RFX3: variants seen among roughly 807,000 people sequenced by gnomAD.
RFX3 encodes the protein transcription factor RFX3.
In RFX3, 14 loss-of-function variants were observed where a neutral mutation model predicts 98.6. The ratio of observed to expected loss-of-function variants is 0.14; its 90% CI spans 0.09 to 0.22. The LOEUF (loss-of-function observed/expected upper bound fraction) is 0.22, where lower values mean the gene tolerates loss of function less well. Ranked by LOEUF, RFX3 falls within the 10% of genes least tolerant of loss-of-function variation. The probability of loss-of-function intolerance (pLI) is 1.00; values close to 1 mark genes in which losing one functional copy is unlikely to be tolerated. For missense variants in RFX3, 639 were observed against 926.9 expected (o/e 0.69, Z 4.03); for synonymous variants, 383 against 328.4 (o/e 1.17, Z -1.80).
chr9:3,469,013 T>C (rs1587778329), intron 1 of RFX3: 1 of 331,440 alleles, frequency 3.0e-6, no homozygotes, highest in East Asian at 7.5e-5. Context: ...CACTCTCTAA[T>C]TAGTGTAGCC....
At chr9:3,303,657 A>G (rs566775765) in intron 4 of RFX3, among the ~76,000 whole-genome samples, 12 of 151,954 alleles carry the variant, frequency 7.9e-5, no homozygotes, top group South Asian at 6.2e-4. Flanking sequence ...GAAAAAAAAA[A>G]AAGTCAGAGA....
intron 3 of RFX3, among the ~76,000 whole-genome samples, chr9:3,339,583 T>A (rs1228270961): frequency 2.6e-5 from 4 of 152,202 alleles, no homozygotes; most frequent in Non-Finnish European, 5.9e-5. Flanking sequence ...AATGCTAATC[T>A]TTAATTCATT....
chr9:3,423,778 C>CATATATATATATACATAT (rs1554704305), intron 1 of RFX3, among the ~76,000 whole-genome samples: 5 of 111,054 alleles, frequency 4.5e-5, no homozygotes, highest in African/African-American at 1.6e-4. Flanking sequence ...TATATATTTT[C>CATATATATATATACATAT]ATATATATAT....
chr9:3,520,258 C>T (rs554060855), intron 1 of RFX3, among the ~76,000 whole-genome samples: 6 of 152,338 alleles, frequency 3.9e-5, no homozygotes, highest in Admixed American at 1.3e-4. Context: ...GGCAGTCTAA[C>T]ACACATGAAC....
chr9:3,425,940 T>A (rs948902098), intron 1 of RFX3, among the ~76,000 whole-genome samples: 1 of 152,190 alleles, frequency 6.6e-6, no homozygotes, highest in African/African-American at 2.4e-5. Context: ...AATTTTTAAT[T>A]AGTTATTGTT....
chr9:3,311,931 C>A (rs1586989509), intron 4 of RFX3, among the ~76,000 whole-genome samples: 1 of 152,062 alleles, frequency 6.6e-6, no homozygotes, highest in Non-Finnish European at 1.5e-5. Context: ...CAAACCTCTA[C>A]AATGGAGACT....
intron 1 of RFX3, among the ~76,000 whole-genome samples, chr9:3,467,099 A>T (rs113301762): frequency 0.015 from 2,098 of 141,424 alleles, 28 homozygotes; most frequent in South Asian, 0.027. Flanking sequence ...CATATATGTA[A>T]GTATATATGT....
At chr9:3,279,835 CAT>C (rs1219644026) in intron 7 of RFX3, among the ~76,000 whole-genome samples, 1 of 151,648 alleles carries the variant, frequency 6.6e-6, no homozygotes, top group African/African-American at 2.4e-5. Flanking sequence ...TTATAATTAA[CAT>C]ATGATTATAC....
At chr9:3,372,207 T>A (rs1181063148) in intron 2 of RFX3, among the ~76,000 whole-genome samples, 1 of 152,216 alleles carries the variant, frequency 6.6e-6, no homozygotes, top group East Asian at 1.9e-4. Flanking sequence ...TGTATCTCTC[T>A]GCCTATGACC....
chr9:3,259,565 TAAATACAGA>T (rs1406215470), intron 13 of RFX3, among the ~76,000 whole-genome samples: 4 of 151,768 alleles, frequency 2.6e-5, no homozygotes, highest in Non-Finnish European at 5.9e-5. Flanking sequence ...GAATGCCTTT[TAAATACAGA>T]AACACAACTA....
intron 2 of RFX3, among the ~76,000 whole-genome samples, chr9:3,361,490 C>A (rs1367095797): frequency 6.6e-6 from 1 of 151,764 alleles, no homozygotes; most frequent in East Asian, 1.9e-4. Flanking sequence ...AACCTGAAAA[C>A]AGCTTTTTCA....
intron 1 of RFX3, among the ~76,000 whole-genome samples, chr9:3,410,265 A>G (rs1319474854): frequency 1.3e-5 from 2 of 150,242 alleles, no homozygotes; most frequent in Non-Finnish European, 1.5e-5. Flanking sequence ...ATTCTGAACC[A>G]TCTTGCCAAC....
chr9:3,253,369 C>T (rs893569894), intron 14 of RFX3, among the ~76,000 whole-genome samples: 3 of 152,184 alleles, frequency 2.0e-5, no homozygotes, highest in African/African-American at 7.2e-5. Context: ...TGTAGGCAAA[C>T]TAGGCACCCT....
In RFX3 at chr9:3,221,930, A is replaced by G. The variant is rs115537882; in HGVS notation, c.*3112T>C. On this transcript the variant is annotated 3_prime_UTR_variant, in exon 17 of 17. Coordinates refer to ENST00000617270, the MANE Select transcript of RFX3 (RefSeq NM_001282116.2). ...TGACTAGTGATTGGTTATAATTGCA[A>G]GAAATACAAAGAAGTCTTAAAATGT... is the stretch of plus-strand genomic sequence containing the variant. 2.6e-4 allele frequency: 40 copies of G among 152,268 alleles called. No homozygotes were observed. The highest frequency in any genetic ancestry group is 8.9e-4 in the African/African-American group (37 of 41,562). 9.4% of individuals were successfully genotyped at this position (152,268 alleles called of 1,614,324 possible).
intron 1 of RFX3, among the ~76,000 whole-genome samples, chr9:3,493,259 T>A (rs1010533263): frequency 6.6e-6 from 1 of 152,138 alleles, no homozygotes; most frequent in Admixed American, 6.6e-5. Flanking sequence ...TTCTGTACCA[T>A]ATGCTTCCTT....
intron 14 of RFX3, among the ~76,000 whole-genome samples, chr9:3,250,967 A>C (rs909312190): frequency 1.3e-5 from 2 of 152,168 alleles, no homozygotes; most frequent in African/African-American, 4.8e-5. Flanking sequence ...TTAAATGTTT[A>C]TATCCTTTTA....
intron 1 of RFX3, among the ~76,000 whole-genome samples, chr9:3,415,849 C>G (rs1383010468): frequency 6.6e-6 from 1 of 152,210 alleles, no homozygotes; most frequent in African/African-American, 2.4e-5. Flanking sequence ...CTCAATCTCT[C>G]TATCAATTCC....
At chr9:3,427,171 C>G (rs996724828) in intron 1 of RFX3, among the ~76,000 whole-genome samples, 45 of 147,606 alleles carry the variant, frequency 3.0e-4, no homozygotes, top group African/African-American at 9.6e-4. Flanking sequence ...TTTCCTTTTT[C>G]TTTTGCACGT....
intron 1 of RFX3, among the ~76,000 whole-genome samples, chr9:3,470,276 T>G (rs1848658328): frequency 6.6e-6 from 1 of 152,002 alleles, no homozygotes; most frequent in African/African-American, 2.4e-5. Context: ...CCATCTCAAC[T>G]TTTCACAACA....
Sources: gnomAD v4.1 joint callset for allele counts (sites outside exome capture counted in the v4.1 genomes callset) on GRCh38, gnomAD v4.1.1 for gene constraint, MANE v1.5 for transcripts, NCBI Gene and HGNC (gene_info 2026-07-23, HGNC 2026-07-21) for gene names.